Variants in CTNNA2 observed in about 807,000 individuals in gnomAD.
CTNNA2 encodes the protein catenin alpha 2.
In CTNNA2, 42 loss-of-function variants were observed where a neutral mutation model predicts 101.0. The ratio of observed to expected loss-of-function variants is 0.42; its 90% CI spans 0.32 to 0.54. The LOEUF (loss-of-function observed/expected upper bound fraction) is 0.54. Ranked by LOEUF, CTNNA2 falls within the 20% of genes least tolerant of loss-of-function variation. CTNNA2 has a pLI of 0.14. For missense variants in CTNNA2, 871 were observed against 1,223.1 expected (o/e 0.71, Z 4.29); for synonymous variants, 450 against 456.4 (o/e 0.99, Z 0.18).
intron 3 of CTNNA2, among the ~76,000 whole-genome samples, chr2:79,781,380 C>T (rs1001923550): frequency 6.6e-6 from 1 of 152,148 alleles, no homozygotes; most frequent in African/African-American, 2.4e-5. Flanking sequence ...GTGCTGACCT[C>T]CTATCTCTTC....
At chr2:80,615,578 T>C (rs1289499647) in intron 17 of CTNNA2, among the ~76,000 whole-genome samples, 5 of 151,538 alleles carry the variant, frequency 3.3e-5, no homozygotes, top group Admixed American at 2.6e-4. Flanking sequence ...CTTACTGAAA[T>C]AGGGTTTTCA....
intron 2 of CTNNA2, among the ~76,000 whole-genome samples, chr2:79,738,731 A>T (rs1368725813): frequency 2.0e-5 from 3 of 152,218 alleles, no homozygotes; most frequent in African/African-American, 4.8e-5. Context: ...CAACCTGTTA[A>T]CTAACAAGAG....
chr2:80,076,010 T>C (rs965060871), intron 7 of CTNNA2, among the ~76,000 whole-genome samples: 1 of 151,570 alleles, frequency 6.6e-6, no homozygotes, highest in African/African-American at 2.4e-5. Context: ...AGGACCTACT[T>C]TGGAACCATA....
rs373147177 is a variant in CTNNA2 at position 79,909,704 on chromosome 2, C to T, written c.963C>T (p.Ser321=). The change falls in exon 7 of 19, where the codon TCC becomes TCT. Residue 321 remains serine (S), a synonymous_variant. Transcript: ENST00000402739. ...GCGCAGCGCTGATGGCCGACTCCTC[C>T]TGCACGCGAGACGACCGGCGCGAGA... ...ISGAALMADS[S]CTRDDRRERI... The T allele has an allele frequency of 6.2e-7, 1 of 1,614,026 alleles. No homozygotes were observed. The highest frequency in any genetic ancestry group is 8.5e-7 in the Non-Finnish European group (1 of 1,179,956).
chr2:79,381,506 C>T (rs1678039008), intron 4 of CTNNA2, among the ~76,000 whole-genome samples: 1 of 152,212 alleles, frequency 6.6e-6, no homozygotes, highest in Non-Finnish European at 1.5e-5. Context: ...ACTTGAGTTG[C>T]ATCTAACCTC....
chr2:79,376,436 G>T (rs1219213951), intron 4 of CTNNA2, among the ~76,000 whole-genome samples: 1 of 136,056 alleles, frequency 7.3e-6, no homozygotes, highest in Non-Finnish European at 1.6e-5. Context: ...AGCCAAAATA[G>T]CCCCTTGTTG....
chr2:79,886,518 G>A lies in CTNNA2; in HGVS notation c.852+12176G>A, dbSNP rs191303685. Reference sequence around the variant, plus strand: ...TGTAATCCCAGCACTTTGGGAGGCCGAGGCGGGCGGATCACGAGGTCAGGA... The same window carrying A: ...TGTAATCCCAGCACTTTGGGAGGCCAAGGCGGGCGGATCACGAGGTCAGGA... On this transcript the variant is annotated intron_variant, in intron 6 of 18. Coordinates refer to ENST00000402739, the MANE Select transcript of CTNNA2 (RefSeq NM_001282597.3). Among the ~76,000 whole-genome samples, 308 of 151,802 alleles carry A rather than the reference G, an allele frequency of 2.0e-3. 2 individuals carry two copies. The highest frequency in any genetic ancestry group is 7.2e-3 in the African/African-American group (298 of 41,406).
At chr2:80,469,709 A>C (rs1268521041) in intron 9 of CTNNA2, among the ~76,000 whole-genome samples, 2 of 152,078 alleles carry the variant, frequency 1.3e-5, no homozygotes, top group Non-Finnish European at 2.9e-5. Context: ...GGGCATAGAC[A>C]TGTTGGTACC....
intron 4 of CTNNA2, among the ~76,000 whole-genome samples, chr2:79,467,605 A>G (rs1670953102): frequency 6.6e-6 from 1 of 152,194 alleles, no homozygotes; most frequent in African/African-American, 2.4e-5. Context: ...ATGAAGGAAA[A>G]AATGTTAAGG....
chr2:79,983,240 A>C (rs1438753667), intron 7 of CTNNA2, among the ~76,000 whole-genome samples: 1 of 150,218 alleles, frequency 6.7e-6, no homozygotes, highest in African/African-American at 2.4e-5. Context: ...ATATAATAAT[A>C]AATTTTTATA....
intron 9 of CTNNA2, 70 bp from the exon 10 acceptor site, chr2:80,544,912 C>G (rs1691904982): frequency 1.5e-6 from 2 of 1,337,718 alleles, no homozygotes; most frequent in Non-Finnish European, 2.1e-6. Flanking sequence ...CAGAGAAGGT[C>G]CAAGGCGGAG....
At chr2:80,497,378 C>T (rs1559158225) in intron 9 of CTNNA2, among the ~76,000 whole-genome samples, 1 of 152,144 alleles carries the variant, frequency 6.6e-6, no homozygotes, top group Non-Finnish European at 1.5e-5. Context: ...AAGCTAGTTC[C>T]TTCCTAGCTC....
chr2:80,055,084 T>G (rs1697132254), intron 7 of CTNNA2, among the ~76,000 whole-genome samples: 1 of 152,108 alleles, frequency 6.6e-6, no homozygotes, highest in Non-Finnish European at 1.5e-5. Context: ...TGGAGTGCAG[T>G]GATGGGATCC....
intron 9 of CTNNA2, among the ~76,000 whole-genome samples, chr2:80,449,836 A>T (rs1274808840): frequency 6.6e-6 from 1 of 152,190 alleles, no homozygotes; most frequent in Non-Finnish European, 1.5e-5. Flanking sequence ...CAAGGGTGTC[A>T]GTTTAATCTG....
At chr2:79,220,753 G>C (rs1529788) in intron 2 of CTNNA2, among the ~76,000 whole-genome samples, 1 of 152,066 alleles carries the variant, frequency 6.6e-6, no homozygotes, top group Non-Finnish European at 1.5e-5. Context: ...AAATCAATAA[G>C]TTATATTCTA....
chr2:80,455,528 T>G (rs1341353891), intron 9 of CTNNA2, among the ~76,000 whole-genome samples: 1 of 152,218 alleles, frequency 6.6e-6, no homozygotes, highest in Non-Finnish European at 1.5e-5. Context: ...TCCGTGAAGT[T>G]GCGAGTTAGT....
intron 1 of CTNNA2, among the ~76,000 whole-genome samples, chr2:79,626,606 CGT>C (rs1384340305): frequency 2.0e-4 from 26 of 127,450 alleles, no homozygotes; most frequent in East Asian, 6.9e-4. Context: ...TGTGTATGTG[CGT>C]GTGTGTGTGT....
intron 7 of CTNNA2, among the ~76,000 whole-genome samples, chr2:79,984,697 T>C (rs1014391242): frequency 6.6e-6 from 1 of 152,082 alleles, no homozygotes; most frequent in Admixed American, 6.6e-5. Context: ...AACCACAGAG[T>C]GAGACTCACA....
intron 4 of CTNNA2, among the ~76,000 whole-genome samples, chr2:79,860,505 A>G (rs1681511035): frequency 7.0e-6 from 1 of 142,476 alleles, no homozygotes; most frequent in Non-Finnish European, 1.5e-5. Context: ...TGTAATGGGG[A>G]GTCAATTGCA....
Sources: gnomAD v4.1 joint callset for allele counts (sites outside exome capture counted in the v4.1 genomes callset) on GRCh38, gnomAD v4.1.1 for gene constraint, MANE v1.5 for transcripts, NCBI Gene and HGNC (gene_info 2026-07-23, HGNC 2026-07-21) for gene names.